The following KCNH8 variants were observed in gnomAD, a reference collection of about 807,000 sequenced individuals.
KCNH8 encodes voltage-gated delayed rectifier potassium channel KCNH8.
Under a neutral mutation model 103.6 loss-of-function variants are expected in KCNH8, and 70 were observed. The ratio of observed to expected loss-of-function variants is 0.68; its 90% CI spans 0.56 to 0.82. The LOEUF (loss-of-function observed/expected upper bound fraction) is 0.82, where lower values mean the gene tolerates loss of function less well. Ranked by LOEUF, KCNH8 falls within the 40% of genes least tolerant of loss-of-function variation. The probability of loss-of-function intolerance (pLI) is 0.00; values close to 1 mark genes in which losing one functional copy is unlikely to be tolerated. For synonymous variants in KCNH8, 498 were observed against 489.4 expected, an observed-to-expected ratio of 1.02 and a Z score of -0.23; for missense variants, 1,217 against 1,329.9, an observed-to-expected ratio of 0.92 and a Z score of 1.32.
intron 1 of KCNH8, among the ~76,000 whole-genome samples, chr3:19,202,522 A>G (rs1254447311): frequency 6.6e-6 from 1 of 152,110 alleles, no homozygotes; most frequent in Non-Finnish European, 1.5e-5. Flanking sequence ...CTCAGTCCTC[A>G]GGGGCTGAGA....
chr3:19,170,693 CACAT>C (rs1344457010), intron 1 of KCNH8, among the ~76,000 whole-genome samples: 8 of 144,236 alleles, frequency 5.5e-5, no homozygotes, highest in Admixed American at 4.9e-4. Flanking sequence ...CATATATACA[CACAT>C]ATATATACAC....
At chr3:19,399,033 A>T (rs2066568679) in intron 7 of KCNH8, among the ~76,000 whole-genome samples, 1 of 151,994 alleles carries the variant, frequency 6.6e-6, no homozygotes, top group Non-Finnish European at 1.5e-5. Context: ...ATAGGCTCAC[A>T]ATTGCACATA....
intron 3 of KCNH8, among the ~76,000 whole-genome samples, chr3:19,303,214 G>A (rs948361767): frequency 6.6e-6 from 1 of 152,130 alleles, no homozygotes; most frequent in South Asian, 2.1e-4. Flanking sequence ...AAGTTTTAAT[G>A]CAGAGTGAAG....
chr3:19,303,392 C>A (rs1258937392), intron 3 of KCNH8, among the ~76,000 whole-genome samples: 1 of 152,064 alleles, frequency 6.6e-6, no homozygotes, highest in African/African-American at 2.4e-5. Context: ...TGTGAATTGA[C>A]TTAATAGATC....
chr3:19,186,318 A>G (rs898724784), intron 1 of KCNH8, among the ~76,000 whole-genome samples: 2 of 151,542 alleles, frequency 1.3e-5, no homozygotes, highest in African/African-American at 4.8e-5. Context: ...AAAAATTGCA[A>G]CGCACCATTA....
intron 3 of KCNH8, among the ~76,000 whole-genome samples, chr3:19,301,066 G>A (rs1424474213): frequency 6.6e-6 from 1 of 151,100 alleles, no homozygotes; most frequent in Non-Finnish European, 1.5e-5. Flanking sequence ...TGTGGTATGA[G>A]CAATATTATT....
chr3:19,172,797 A>G (rs950262309), intron 1 of KCNH8, among the ~76,000 whole-genome samples: 1 of 152,134 alleles, frequency 6.6e-6, no homozygotes, highest in African/African-American at 2.4e-5. Context: ...GCTCTTATCT[A>G]CCTTGTGGTT....
chr3:19,378,209 A>G (rs1411442326), intron 5 of KCNH8, among the ~76,000 whole-genome samples: 3 of 152,158 alleles, frequency 2.0e-5, no homozygotes, highest in Non-Finnish European at 2.9e-5. Context: ...TTATGGGCAA[A>G]CCATAAAATT....
chr3:19,381,013 T>G (rs2066281008), intron 5 of KCNH8, among the ~76,000 whole-genome samples: 1 of 152,228 alleles, frequency 6.6e-6, no homozygotes, highest in Admixed American at 6.5e-5. Flanking sequence ...ATAGAACATT[T>G]TCTTCTATTT....
intron 8 of KCNH8, among the ~76,000 whole-genome samples, chr3:19,440,095 G>A (rs1031728742): frequency 3.9e-5 from 6 of 152,070 alleles, no homozygotes; most frequent in African/African-American, 1.4e-4. Context: ...AGGCTAAGGA[G>A]AACCAACATA....
chr3:19,530,909 G>C (rs2069148958), intron 15 of KCNH8, among the ~76,000 whole-genome samples: 1 of 152,078 alleles, frequency 6.6e-6, no homozygotes, highest in Non-Finnish European at 1.5e-5. Context: ...GAGTCTTATT[G>C]CTCCCATTTT....
At chr3:19,208,829 G>C (rs528260889) in intron 1 of KCNH8, among the ~76,000 whole-genome samples, 197 of 152,036 alleles carry the variant, frequency 1.3e-3, no homozygotes, top group African/African-American at 4.6e-3. Context: ...TCCTCTTTAT[G>C]GGTAGAAAAG....
rs879379168 is a variant in KCNH8 at position 19,367,467 on chromosome 3, A to AAT, written c.811+19513_811+19514dup. Among the ~76,000 whole-genome samples the AAT allele has an allele frequency of 4.2e-3, 623 of 146,912 alleles. 3 individuals are homozygous for AAT. The highest frequency in any genetic ancestry group is 6.6e-3 in the Admixed American group (96 of 14,534). ...TATATATCAGAAATATATATATCAT[A>AAT]ATATATATATATCAGAAATAAACTT... On this transcript the variant is annotated intron_variant, in intron 5 of 15. Transcript: ENST00000328405.
Position 19,253,825 on chromosome 3 carries a change from T to C in KCNH8, c.248T>C (p.Ile83Thr), listed in dbSNP as rs2064311022. The change falls in exon 2 of 16, where the codon ATA (isoleucine) becomes ACA (threonine). Residue 83 changes from isoleucine (I) to threonine (T), a missense_variant. Ile to Thr is a moderately conservative substitution (Grantham distance 89). Transcript: ENST00000328405. ...ACCAATGAGCAACTGATGCTTCAAA[T>C]AGAAAAGTCACTGGAGGAGAAAACA... The part of the protein sequence containing the change: ...VETNEQLMLQ[I>T]EKSLEEKTEF... The C allele has an allele frequency of 6.2e-7, 1 of 1,613,824 alleles. No homozygotes were observed. Among genetic ancestry groups the C allele is most frequent in the Non-Finnish European group, 8.5e-7 (1 of 1,179,858 alleles).
At chr3:19,258,395 C>T (rs962129082) in intron 2 of KCNH8, among the ~76,000 whole-genome samples, 2 of 151,930 alleles carry the variant, frequency 1.3e-5, no homozygotes, top group African/African-American at 4.8e-5. Flanking sequence ...AGGTTTTTGA[C>T]TCAGTAATTA....
At chr3:19,173,183 AC>A (rs1314426641) in intron 1 of KCNH8, among the ~76,000 whole-genome samples, 1 of 151,882 alleles carries the variant, frequency 6.6e-6, no homozygotes, top group Non-Finnish European at 1.5e-5. Flanking sequence ...TAAAAAAAAA[AC>A]AAATGCCATG....
At chr3:19,371,875 TC>T (rs2066102124) in intron 5 of KCNH8, among the ~76,000 whole-genome samples, 2 of 150,642 alleles carry the variant, frequency 1.3e-5, no homozygotes, top group African/African-American at 4.9e-5. Context: ...GGGAATCCTT[TC>T]CCCATTGCTT....
In KCNH8 at chr3:19,335,493, A is replaced by G. The variant is rs1056557053; in HGVS notation, c.443-7094A>G. Among the ~76,000 whole-genome samples the G allele has an allele frequency of 2.4e-4, 36 of 148,228 alleles. 1 individual carries two copies. The highest frequency in any genetic ancestry group is 7.6e-4 in the African/African-American group (31 of 40,900). ...TATATATATGTGTGTGTATATATAT[A>G]TATATATATATATATACTTTTTATA... On this transcript the variant is annotated intron_variant, in intron 3 of 15. Transcript: ENST00000328405.
Position 19,390,482 on chromosome 3 carries a change from T to C in KCNH8, c.813T>C (p.Asp271=). ...DIAVEILFII[D]IILNFRTTYV... ...CTCAACCTTTTTTTTCCCAAGCAGA[T>C]ATTATTTTAAATTTCCGAACAACTT... Residue 271 remains aspartate, a splice_region_variant and synonymous_variant, in exon 6 of 16, where the codon GAT becomes GAC. Coordinates refer to ENST00000328405, the MANE Select transcript of KCNH8 (RefSeq NM_144633.3). 2 of 1,608,452 alleles carry C rather than the reference T, an allele frequency of 1.2e-6. No homozygotes were observed. Among genetic ancestry groups the C allele is most frequent in the Non-Finnish European group, 1.7e-6 (2 of 1,176,360 alleles).
Sources: allele counts gnomAD v4.1 joint callset (sites outside exome capture counted in the v4.1 genomes callset), GRCh38; gene constraint gnomAD v4.1.1; transcripts MANE v1.5; gene names NCBI Gene and HGNC (gene_info 2026-07-23, HGNC 2026-07-21).